Variants in SHISA9 observed in about 807,000 individuals in gnomAD.
SHISA9 encodes the protein protein shisa-9.
In SHISA9, 13 loss-of-function variants were observed where a neutral mutation model predicts 38.0. That is an observed-to-expected ratio of 0.34 (90% CI 0.22 to 0.54). The LOEUF (loss-of-function observed/expected upper bound fraction) is 0.54, where lower values mean the gene tolerates loss of function less well. Among genes scored for constraint, SHISA9 ranks in the 20% least tolerant of loss-of-function variants. SHISA9 has a pLI of 0.91. For synonymous variants in SHISA9, 275 were observed against 242.0 expected (o/e 1.14, Z -1.27); for missense variants, 538 against 575.8 (o/e 0.93, Z 0.67).
At chr16:13,016,707 A>G (rs74012240) in intron 2 of SHISA9, among the ~76,000 whole-genome samples, 74 of 152,336 alleles carry the variant, frequency 4.9e-4, no homozygotes, top group African/African-American at 1.7e-3. Flanking sequence ...GCCTATGACT[A>G]TATTTACATG....
At chr16:13,460,576 A>G in the SHISA9 span, among the ~76,000 whole-genome samples, 2 of 152,218 alleles carry the variant, frequency 1.3e-5, no homozygotes, top group Non-Finnish European at 2.9e-5. Flanking sequence ...TTTTAGGGAC[A>G]ACCACAGTGC....
the SHISA9 span, among the ~76,000 whole-genome samples, chr16:13,340,785 T>C: frequency 6.6e-6 from 1 of 152,242 alleles, no homozygotes; most frequent in Non-Finnish European, 1.5e-5. Flanking sequence ...CTGGACTTTG[T>C]TGCCCCTTGA....
chr16:13,509,281 A>C, the SHISA9 span, among the ~76,000 whole-genome samples: 9 of 152,046 alleles, frequency 5.9e-5, no homozygotes, highest in African/African-American at 2.2e-4. Flanking sequence ...GCAAAAAAAA[A>C]AGAAAAAATT....
chr16:13,230,423 G>A (rs1456180005), intron 4 of SHISA9, among the ~76,000 whole-genome samples: 3 of 152,196 alleles, frequency 2.0e-5, no homozygotes, highest in Non-Finnish European at 4.4e-5. Flanking sequence ...TATTAGGTAT[G>A]GCTGGAAGGA....
At chr16:13,019,964 C>G (rs1475919112) in intron 2 of SHISA9, among the ~76,000 whole-genome samples, 2 of 85,930 alleles carry the variant, frequency 2.3e-5, no homozygotes, top group Non-Finnish European at 4.7e-5. Flanking sequence ...TCTTTCCCTC[C>G]TTCTTTCCTT....
intron 2 of SHISA9, among the ~76,000 whole-genome samples, chr16:13,086,856 T>C (rs2073716436): frequency 6.7e-6 from 1 of 148,416 alleles, no homozygotes; most frequent in Non-Finnish European, 1.5e-5. Context: ...TTTTCTTTTT[T>C]ATTATTATTA....
chr16:13,081,950 C>A (rs922879351), intron 2 of SHISA9, among the ~76,000 whole-genome samples: 6 of 151,908 alleles, frequency 3.9e-5, no homozygotes, highest in Non-Finnish European at 8.8e-5. Flanking sequence ...AATTTACTGC[C>A]CCTCATCTAG....
chr16:13,059,525 G>C (rs1217711023), intron 2 of SHISA9, among the ~76,000 whole-genome samples: 1 of 152,128 alleles, frequency 6.6e-6, no homozygotes, highest in African/African-American at 2.4e-5. Context: ...GAAGGTTCAG[G>C]TGGGGAGGGA....
chr16:13,215,061 G>C (rs1340052561), intron 4 of SHISA9, among the ~76,000 whole-genome samples: 4 of 152,274 alleles, frequency 2.6e-5, no homozygotes, highest in Middle Eastern at 3.4e-3. Context: ...GCAGGTGGGT[G>C]GTGACCTGCA....
the SHISA9 span, among the ~76,000 whole-genome samples, chr16:13,406,482 C>G: frequency 6.6e-6 from 1 of 152,190 alleles, no homozygotes; most frequent in African/African-American, 2.4e-5. Flanking sequence ...GCTCTCTAGA[C>G]TCAGGTCCAG....
At chr16:13,223,859 G>A (rs2051253701) in intron 4 of SHISA9, among the ~76,000 whole-genome samples, 1 of 152,128 alleles carries the variant, frequency 6.6e-6, no homozygotes, top group African/African-American at 2.4e-5. Flanking sequence ...TCCATTGCAG[G>A]CAATGTAGAA....
intron 2 of SHISA9, among the ~76,000 whole-genome samples, chr16:13,022,232 GC>G (rs1384197662): frequency 4.6e-5 from 7 of 151,382 alleles, no homozygotes; most frequent in African/African-American, 1.7e-4. Context: ...GCTCACTGCA[GC>G]TTTGAATTCC....
intron 4 of SHISA9, among the ~76,000 whole-genome samples, chr16:13,214,365 C>T (rs976946218): frequency 1.3e-5 from 2 of 152,066 alleles, no homozygotes; most frequent in Non-Finnish European, 2.9e-5. Flanking sequence ...CCGTGCCCAG[C>T]TAATTTTTGA....
chr16:13,045,953 ATGTT>A lies in SHISA9; in HGVS notation c.691+129144_691+129147del, dbSNP rs575251209. Among the ~76,000 whole-genome samples, 14 of 152,316 alleles carry A rather than the reference ATGTT, an allele frequency of 9.2e-5. No homozygotes were observed. The South Asian group carries it at 2.7e-3, about 29-fold the overall frequency. ...CAGAGCATGGATTTATTATATGTCAATGTTTGTTTAAATTTGTAACTCTCTCACA... is the reference window on the plus strand; with the variant it reads ...CAGAGCATGGATTTATTATATGTCAATGTTTAAATTTGTAACTCTCTCACA... On this transcript the variant is annotated intron_variant, in intron 2 of 4. Coordinates refer to ENST00000558583, the MANE Select transcript of SHISA9 (RefSeq NM_001145204.3).
chr16:13,084,354 C>T (rs970886286), intron 2 of SHISA9, among the ~76,000 whole-genome samples: 2 of 152,204 alleles, frequency 1.3e-5, no homozygotes, highest in Admixed American at 1.3e-4. Context: ...ACTCAATGAC[C>T]TCCCTGCTGC....
chr16:13,521,857 C>A, the SHISA9 span, among the ~76,000 whole-genome samples: 1 of 152,110 alleles, frequency 6.6e-6, no homozygotes, highest in Non-Finnish European at 1.5e-5. Context: ...ATTTAACAAA[C>A]CTTTGAAATG....
intron 2 of SHISA9, among the ~76,000 whole-genome samples, chr16:13,036,805 G>A (rs1205147885): frequency 6.6e-6 from 1 of 150,502 alleles, no homozygotes; most frequent in Non-Finnish European, 1.5e-5. Context: ...AGCACCCCCA[G>A]TACTAAATGA....
At chr16:12,970,327 A>ATATATATATATATATACATATATGTG (rs2072039087) in intron 2 of SHISA9, among the ~76,000 whole-genome samples, 6 of 43,580 alleles carry the variant, frequency 1.4e-4, no homozygotes, top group African/African-American at 1.2e-4. Flanking sequence ...GTATATATAC[A>ATATATATATATATATACATATATGTG]TATATATATA....
chr16:13,478,992 T>C, the SHISA9 span, among the ~76,000 whole-genome samples: 1 of 152,222 alleles, frequency 6.6e-6, no homozygotes, highest in Non-Finnish European at 1.5e-5. Flanking sequence ...AAGTCTGTCA[T>C]GTTTACAGGT....
Sources: gnomAD v4.1 joint callset for allele counts (sites outside exome capture counted in the v4.1 genomes callset) on GRCh38, gnomAD v4.1.1 for gene constraint, MANE v1.5 for transcripts, NCBI Gene and HGNC (gene_info 2026-07-23, HGNC 2026-07-21) for gene names.